Variants in ANKS1B observed in about 807,000 individuals in gnomAD.
The protein encoded by ANKS1B is ankyrin repeat and sterile alpha motif domain-containing protein 1B.
ANKS1B carries 36 observed loss-of-function variants against 148.3 expected under a neutral mutation model. That is an observed-to-expected ratio of 0.24 (90% CI 0.19 to 0.32). The LOEUF is 0.32. Ranked by LOEUF, ANKS1B falls within the 10% of genes least tolerant of loss-of-function variation. ANKS1B has a pLI of 1.00. For missense variants in ANKS1B, 1,157 were observed against 1,542.6 expected (o/e 0.75, Z 4.19); for synonymous variants, 542 against 560.8 (o/e 0.97, Z 0.47).
chr12:99,459,402 T>G lies in ANKS1B; in HGVS notation c.1439-15593A>C, dbSNP rs540612815. Among the ~76,000 whole-genome samples, 9 of 152,176 alleles carry G rather than the reference T, an allele frequency of 5.9e-5. No homozygotes were observed. In the South Asian group the frequency reaches 1.7e-3, roughly 28 times the overall value. ...CTATTAAACATAGTACTGGAAGTCC[T>G]AGCCAGAGAAATCAGATAAAAGAAA... On this transcript the variant is annotated intron_variant, in intron 10 of 26. Coordinates refer to ENST00000683438, the MANE Select transcript of ANKS1B (RefSeq NM_001352186.2).
At chr12:98,787,864 G>A (rs2098810324) in intron 22 of ANKS1B, among the ~76,000 whole-genome samples, 1 of 151,356 alleles carries the variant, frequency 6.6e-6, no homozygotes, top group Non-Finnish European at 1.5e-5. Context: ...AGGTTGCAGT[G>A]AGCTGAGTCG....
chr12:99,964,161 A>G (rs1182654011), intron 1 of ANKS1B, among the ~76,000 whole-genome samples: 1 of 152,200 alleles, frequency 6.6e-6, no homozygotes, highest in Non-Finnish European at 1.5e-5. Context: ...AGTGCTGACC[A>G]GCCTATCAAA....
intron 11 of ANKS1B, among the ~76,000 whole-genome samples, chr12:99,430,685 T>G (rs141327772): frequency 1.9e-4 from 29 of 152,326 alleles, no homozygotes; most frequent in Middle Eastern, 3.4e-3. Flanking sequence ...GCATGCTTAT[T>G]ATTGCCTCTT....
At chr12:99,274,906 T>C (rs1217693964) in intron 12 of ANKS1B, among the ~76,000 whole-genome samples, 1 of 152,228 alleles carries the variant, frequency 6.6e-6, no homozygotes. Flanking sequence ...GCCAGAACAG[T>C]ACACAGGACT....
intron 17 of ANKS1B, among the ~76,000 whole-genome samples, chr12:98,862,006 T>C (rs903249360): frequency 2.0e-5 from 3 of 152,218 alleles, no homozygotes; most frequent in African/African-American, 7.2e-5. Context: ...CTATTAGTAT[T>C]TCAAACCTCA....
chr12:99,686,590 AATCCT>A, intron 8 of ANKS1B, among the ~76,000 whole-genome samples: 2 of 152,196 alleles, frequency 1.3e-5, no homozygotes, highest in East Asian at 3.8e-4. Flanking sequence ...ATGAATCAAG[AATCCT>A]ATTACCAAGC....
chr12:99,016,170 C>T (rs980022077), intron 17 of ANKS1B, among the ~76,000 whole-genome samples: 1 of 151,064 alleles, frequency 6.6e-6, no homozygotes, highest in Non-Finnish European at 1.5e-5. Flanking sequence ...CTACAGCTAA[C>T]ATGAATTTCT....
chr12:99,189,704 G>A (rs1055772225), intron 14 of ANKS1B, among the ~76,000 whole-genome samples: 4 of 152,110 alleles, frequency 2.6e-5, no homozygotes, highest in Non-Finnish European at 4.4e-5. Flanking sequence ...AATAATAAGA[G>A]CTATTTATGA....
At chr12:99,223,707 G>C (rs1210030020) in intron 14 of ANKS1B, among the ~76,000 whole-genome samples, 1 of 152,182 alleles carries the variant, frequency 6.6e-6, no homozygotes, top group Non-Finnish European at 1.5e-5. Flanking sequence ...CTGGGGGTTG[G>C]AAATCTTTGG....
intron 10 of ANKS1B, among the ~76,000 whole-genome samples, chr12:99,457,373 A>C (rs569824225): frequency 1.1e-4 from 17 of 152,166 alleles, no homozygotes; most frequent in Admixed American, 3.3e-4. Context: ...TGAAAAAAAA[A>C]CCAAGGTATT....
At chr12:98,852,022 C>CAAAAA (rs35129903) in intron 17 of ANKS1B, among the ~76,000 whole-genome samples, 6 of 61,090 alleles carry the variant, frequency 9.8e-5, no homozygotes, top group African/African-American at 4.3e-4. Context: ...GACTCCATCT[C>CAAAAA]AAAAAAAAAA....
At chr12:99,582,175 A>G (rs1427434191) in intron 9 of ANKS1B, among the ~76,000 whole-genome samples, 3 of 152,090 alleles carry the variant, frequency 2.0e-5, no homozygotes, top group Non-Finnish European at 2.9e-5. Flanking sequence ...TAGAATGGCC[A>G]ATAATAAGAA....
intron 10 of ANKS1B, among the ~76,000 whole-genome samples, chr12:99,446,812 C>A (rs951981182): frequency 6.6e-6 from 1 of 151,944 alleles, no homozygotes; most frequent in African/African-American, 2.4e-5. Context: ...ATAAAAACAT[C>A]TTTAGGGTAT....
chr12:99,585,012 A>G (rs1209932320), intron 9 of ANKS1B, among the ~76,000 whole-genome samples: 1 of 152,106 alleles, frequency 6.6e-6, no homozygotes, highest in Non-Finnish European at 1.5e-5. Flanking sequence ...ATGTTCTCGC[A>G]TTTCAAAACA....
chr12:99,460,743 A>G (rs527478174), intron 10 of ANKS1B, among the ~76,000 whole-genome samples: 2,162 of 151,454 alleles, frequency 0.014, 41 homozygotes, highest in African/African-American at 0.05. Context: ...AAAAAAAAAA[A>G]ATGGATGTTA....
At chr12:98,915,468 C>G (rs1187496965) in intron 17 of ANKS1B, among the ~76,000 whole-genome samples, 1 of 152,190 alleles carries the variant, frequency 6.6e-6, no homozygotes, top group African/African-American at 2.4e-5. Context: ...CCTCCTGCCT[C>G]AGTGCCCTGA....
chr12:98,843,451 G>A (rs2099419654), intron 17 of ANKS1B, among the ~76,000 whole-genome samples: 1 of 152,230 alleles, frequency 6.6e-6, no homozygotes, highest in Non-Finnish European at 1.5e-5. Flanking sequence ...ACCAGAAGCT[G>A]AGCAGGTGCT....
intron 15 of ANKS1B, among the ~76,000 whole-genome samples, chr12:99,120,753 A>G (rs1403117184): frequency 6.6e-6 from 1 of 152,204 alleles, no homozygotes; most frequent in African/African-American, 2.4e-5. Context: ...CAGGAGAAGC[A>G]GCAGATTTGG....
intron 8 of ANKS1B, among the ~76,000 whole-genome samples, chr12:99,758,683 C>T (rs911060351): frequency 6.6e-6 from 1 of 151,818 alleles, no homozygotes. Context: ...AACTGGAATT[C>T]AAACACAAGT....
Sources: gnomAD v4.1 joint callset for allele counts (sites outside exome capture counted in the v4.1 genomes callset) on GRCh38, gnomAD v4.1.1 for gene constraint, MANE v1.5 for transcripts, NCBI Gene and HGNC (gene_info 2026-07-23, HGNC 2026-07-21) for gene names.